The following RPS6KA2 variants were observed in gnomAD, a reference collection of about 807,000 sequenced individuals.
RPS6KA2 encodes the protein ribosomal protein S6 kinase alpha-2.
A neutral mutation model predicts 91.8 loss-of-function variants in RPS6KA2; 42 were observed. The ratio of observed to expected loss-of-function variants is 0.46; its 90% CI spans 0.36 to 0.59. The LOEUF (loss-of-function observed/expected upper bound fraction) is 0.59, where lower values mean the gene tolerates loss of function less well. Ranked by LOEUF, RPS6KA2 falls within the 20% of genes least tolerant of loss-of-function variation. The pLI is 0.00. For synonymous variants in RPS6KA2, 414 were observed against 393.6 expected (o/e 1.05, Z -0.61); for missense variants, 798 against 978.5 (o/e 0.82, Z 2.46).
intron 3 of RPS6KA2, among the ~76,000 whole-genome samples, chr6:166,526,042 ACCAGTTAGTGCTAGTTAGTG>A (rs1489800129): frequency 6.6e-6 from 1 of 152,168 alleles, no homozygotes; most frequent in African/African-American, 2.4e-5. Flanking sequence ...GCTAGTTAGT[ACCAGTTAGTGCTAGTTAGTG>A]CCAGGCCTCC....
At chr6:166,424,992 TG>T (rs1273710788) in intron 16 of RPS6KA2, among the ~76,000 whole-genome samples, 2 of 152,190 alleles carry the variant, frequency 1.3e-5, no homozygotes, top group Non-Finnish European at 2.9e-5. Context: ...CAAAGCTCTC[TG>T]CCCTCCCCTT....
At chr6:166,862,703 C>CTG (rs1781079192), upstream of RPS6KA2, 1 of 123,156 alleles carries the variant, frequency 8.1e-6, no homozygotes, top group African/African-American at 4.0e-5. Flanking sequence ...GCTGGGGAGG[C>CTG]GGGGGGGGGG....
intron 10 of RPS6KA2, among the ~76,000 whole-genome samples, chr6:166,470,281 C>A (rs1780715839): frequency 6.6e-6 from 1 of 152,184 alleles, no homozygotes; most frequent in Non-Finnish European, 1.5e-5. Context: ...TCCCAGGAGG[C>A]CGGAGGGGAA....
intron 11 of RPS6KA2, among the ~76,000 whole-genome samples, chr6:166,466,575 C>A (rs1780531012): frequency 6.6e-6 from 1 of 152,214 alleles, no homozygotes; most frequent in Non-Finnish European, 1.5e-5. Context: ...GCAGCTCCCC[C>A]TCCCAGCCCA....
intron 1 of RPS6KA2, chr6:166,586,594 G>A: frequency 1.1e-6 from 1 of 927,134 alleles, no homozygotes; most frequent in Non-Finnish European, 1.6e-6. Flanking sequence ...ACACTGAGAA[G>A]CCCAGGAGAG....
At chr6:166,696,062 G>A (rs958966171) in intron 2 of RPS6KA2, among the ~76,000 whole-genome samples, 3 of 152,184 alleles carry the variant, frequency 2.0e-5, no homozygotes, top group African/African-American at 4.8e-5. Context: ...CCTCTTCCAC[G>A]GAAACATTGT....
intron 2 of RPS6KA2, among the ~76,000 whole-genome samples, chr6:166,534,799 C>T (rs1402753446): frequency 6.6e-6 from 1 of 152,262 alleles, no homozygotes; most frequent in African/African-American, 2.4e-5. Context: ...CCAAGCTTCT[C>T]TGTGGGGCCA....
intron 2 of RPS6KA2, among the ~76,000 whole-genome samples, chr6:166,758,317 C>T (rs976697051): frequency 4.6e-5 from 7 of 152,242 alleles, no homozygotes; most frequent in Non-Finnish European, 8.8e-5. Flanking sequence ...CATGCATGCA[C>T]GTTCTCTCTA....
At chr6:166,677,695 AT>A (rs1788659882) in intron 2 of RPS6KA2, among the ~76,000 whole-genome samples, 1 of 152,204 alleles carries the variant, frequency 6.6e-6, no homozygotes, top group African/African-American at 2.4e-5. Context: ...GAAGGAAGAT[AT>A]TTTTGGATTA....
chr6:166,488,960 G>A, intron 9 of RPS6KA2, 39 bp from the exon 10 acceptor site: 2 of 1,543,240 alleles, frequency 1.3e-6, no homozygotes. Context: ...TATTTTAGGA[G>A]AACAAGGACA....
chr6:166,436,124 T>C (rs1277238447), intron 14 of RPS6KA2, among the ~76,000 whole-genome samples: 1 of 152,146 alleles, frequency 6.6e-6, no homozygotes, highest in African/African-American at 2.4e-5. Context: ...GAGTTATTCC[T>C]ATTACAGAGA....
At chr6:166,504,957 T>C (rs1183320493) in intron 5 of RPS6KA2, among the ~76,000 whole-genome samples, 1 of 152,150 alleles carries the variant, frequency 6.6e-6, no homozygotes, top group Non-Finnish European at 1.5e-5. Context: ...CTAGCATGAG[T>C]GCTGCTCATG....
intron 5 of RPS6KA2, among the ~76,000 whole-genome samples, chr6:166,505,089 A>G (rs570575312): frequency 2.5e-4 from 38 of 152,232 alleles, no homozygotes; most frequent in African/African-American, 8.9e-4. Context: ...GGTTGATGCA[A>G]ACTAGTAGCC....
intron 2 of RPS6KA2, among the ~76,000 whole-genome samples, chr6:166,790,738 G>A (rs941741383): frequency 1.3e-5 from 2 of 152,190 alleles, no homozygotes; most frequent in African/African-American, 4.8e-5. Flanking sequence ...AATTTTCAAT[G>A]CAGAATTTCA....
intron 8 of RPS6KA2, among the ~76,000 whole-genome samples, chr6:166,491,013 GAA>G (rs1366877513): frequency 6.6e-6 from 1 of 152,212 alleles, no homozygotes; most frequent in African/African-American, 2.4e-5. Flanking sequence ...GTACGACAGA[GAA>G]AAGAGGCAGA....
intron 3 of RPS6KA2, among the ~76,000 whole-genome samples, chr6:166,530,892 T>G (rs1783249545): frequency 6.6e-6 from 1 of 152,230 alleles, no homozygotes; most frequent in Admixed American, 6.5e-5. Context: ...GCCGTCGGCC[T>G]GCCGGTATCG....
intron 2 of RPS6KA2, among the ~76,000 whole-genome samples, chr6:166,811,057 A>G (rs1779628276): frequency 6.6e-6 from 1 of 152,246 alleles, no homozygotes; most frequent in African/African-American, 2.4e-5. Context: ...AAGGACCAAG[A>G]ATACGATGAC....
chr6:166,757,290 G>A (rs1193150268), intron 2 of RPS6KA2, among the ~76,000 whole-genome samples: 4 of 152,084 alleles, frequency 2.6e-5, no homozygotes, highest in African/African-American at 9.7e-5. Context: ...GTTTTCTTGG[G>A]CTCAAACACA....
At chr6:166,757,513 G>A (rs1213092416) in intron 2 of RPS6KA2, 11 of 455,810 alleles carry the variant, frequency 2.4e-5, no homozygotes, top group Admixed American at 1.4e-4. Context: ...CATTTCCTGC[G>A]AGCCCTCCCT....
Sources: allele counts gnomAD v4.1 joint callset (sites outside exome capture counted in the v4.1 genomes callset), GRCh38; gene constraint gnomAD v4.1.1; transcripts MANE v1.5; gene names NCBI Gene and HGNC (gene_info 2026-07-23, HGNC 2026-07-21).